The following GRIA3 variants were observed in gnomAD, a reference collection of about 807,000 sequenced individuals.
GRIA3 encodes the protein glutamate ionotropic receptor AMPA type subunit 3, also known as glutamate receptor 3.
GRIA3 carries 3 observed loss-of-function variants against 63.0 expected under a neutral mutation model. That is an observed-to-expected ratio of 0.05 (90% confidence interval 0.02 to 0.12). GRIA3 has a LOEUF of 0.12. Among genes scored for constraint, GRIA3 ranks in the 10% least tolerant of loss-of-function variants. The pLI is 1.00. For missense variants in GRIA3, 347 were observed against 700.9 expected (o/e 0.50, Z 5.70); for synonymous variants, 274 against 257.9 (o/e 1.06, Z -0.60).
At chrX:123,381,609 A>C (rs149624882) in intron 5 of GRIA3, among the ~76,000 whole-genome samples, 3 of 111,594 alleles carry the variant, frequency 2.7e-5, no homozygotes, top group African/African-American at 9.8e-5. Context: ...AATTTCCATC[A>C]TCCCTCTCTA....
intron 5 of GRIA3, among the ~76,000 whole-genome samples, chrX:123,379,620 G>GTTTTTTTTTTTTTTTTTTTTAAAATTTTT (rs369507360): frequency 1.5e-5 from 1 of 68,015 alleles, no homozygotes; most frequent in Non-Finnish European, 2.7e-5. Context: ...CTAGCAACTT[G>GTTTTTTTTTTTTTTTTTTTTAAAATTTTT]TTTTTTTTTT....
At chrX:123,347,730 T>A (rs2045061471) in intron 4 of GRIA3, among the ~76,000 whole-genome samples, 1 of 112,516 alleles carries the variant, frequency 8.9e-6, no homozygotes, top group Non-Finnish European at 1.9e-5. Context: ...TGGCAGGATT[T>A]AAATCCAGAA....
chrX:123,309,718 A>T (rs373438762), intron 3 of GRIA3, among the ~76,000 whole-genome samples: 2 of 111,827 alleles, frequency 1.8e-5, no homozygotes, highest in East Asian at 2.8e-4. Context: ...TAAAAGTAGG[A>T]CAGCTTGGGG....
intron 15 of GRIA3, among the ~76,000 whole-genome samples, chrX:123,487,120 C>T (rs898661679): frequency 2.7e-5 from 3 of 112,669 alleles, no homozygotes; most frequent in African/African-American, 9.7e-5. Flanking sequence ...CTCTGGGTTA[C>T]TGACCAGCCA....
intron 13 of GRIA3, among the ~76,000 whole-genome samples, chrX:123,474,994 A>G (rs1357802544): frequency 8.9e-6 from 1 of 112,044 alleles, no homozygotes; most frequent in Non-Finnish European, 1.9e-5. Flanking sequence ...AAATGAACTC[A>G]TTATCAAAGT....
chrX:123,335,265 T>A (rs773125660), intron 4 of GRIA3, among the ~76,000 whole-genome samples: 1 of 110,479 alleles, frequency 9.1e-6, no homozygotes, highest in Non-Finnish European at 1.9e-5. Flanking sequence ...TTTACCTCTA[T>A]CCTTAGAACA....
intron 4 of GRIA3, among the ~76,000 whole-genome samples, chrX:123,346,899 A>T (rs1337978389): frequency 8.9e-6 from 1 of 111,946 alleles, no homozygotes; most frequent in East Asian, 2.8e-4. Context: ...CCTTCCATCC[A>T]CTTGAGATTT....
At chrX:123,314,615 A>C (rs1051163030) in intron 3 of GRIA3, among the ~76,000 whole-genome samples, 2 of 112,387 alleles carry the variant, frequency 1.8e-5, no homozygotes, top group Non-Finnish European at 3.8e-5. Context: ...CTTTCACTCA[A>C]TGAAACTGAC....
intron 2 of GRIA3, among the ~76,000 whole-genome samples, chrX:123,198,868 T>C (rs1228696715): frequency 8.9e-6 from 1 of 111,818 alleles, no homozygotes; most frequent in East Asian, 2.8e-4. Context: ...TCTTCAAATG[T>C]GACCTCTATT....
At chrX:123,210,503 G>T (rs942562794) in intron 2 of GRIA3, among the ~76,000 whole-genome samples, 1 of 110,700 alleles carries the variant, frequency 9.0e-6, no homozygotes, top group Non-Finnish European at 1.9e-5. Flanking sequence ...TTCCCTTTTT[G>T]CCTGTAACAT....
At chrX:123,277,579 CAGGA>C (rs1294257345) in intron 3 of GRIA3, among the ~76,000 whole-genome samples, 1 of 111,595 alleles carries the variant, frequency 9.0e-6, no homozygotes, top group Non-Finnish European at 1.9e-5. Flanking sequence ...TCGCCTCTCT[CAGGA>C]AGCCTGAGTA....
intron 5 of GRIA3, chrX:123,358,612 T>C (rs1357175812): frequency 8.9e-6 from 1 of 112,416 alleles, no homozygotes; most frequent in Non-Finnish European, 1.9e-5. Context: ...GACATCCCAA[T>C]AGAGCAAGTA....
intron 5 of GRIA3, among the ~76,000 whole-genome samples, chrX:123,367,907 T>C (rs761346257): frequency 3.4e-4 from 38 of 112,326 alleles, no homozygotes; most frequent in African/African-American, 1.2e-3. Flanking sequence ...AATTAAAAAG[T>C]AAAAACTTGT....
At chrX:123,362,131 G>A (rs912880678) in intron 5 of GRIA3, among the ~76,000 whole-genome samples, 1 of 111,681 alleles carries the variant, frequency 9.0e-6, no homozygotes, top group African/African-American at 3.3e-5. Context: ...TTTACAGTAA[G>A]TGTTTTTTTC....
At chrX:123,441,117 T>C (rs1005687224) in intron 12 of GRIA3, among the ~76,000 whole-genome samples, 3 of 111,434 alleles carry the variant, frequency 2.7e-5, no homozygotes, top group Admixed American at 9.6e-5. Flanking sequence ...TTAAAATTAT[T>C]TGGAGGGAGA....
Position 123,360,092 on chromosome X carries a change from C to A in GRIA3, c.750+5129C>A, listed in dbSNP as rs748533214. Among the ~76,000 whole-genome samples, 108 of 111,845 alleles carry A rather than the reference C, an allele frequency of 9.7e-4. 1 individual carries two copies. Among genetic ancestry groups the A allele is most frequent in the African/African-American group, 3.3e-3 (102 of 30,801 alleles). ...TCTATGAGGAGAGACTTCTTGCCCA[C>A]CCACCTTCCTAAGCCTTTTACATAT... On this transcript the variant is annotated intron_variant, in intron 5 of 15. Coordinates refer to ENST00000620443, the MANE Select transcript of GRIA3 (RefSeq NM_007325.5).
chrX:123,442,602 T>A (rs73541962), intron 12 of GRIA3, among the ~76,000 whole-genome samples: 8,701 of 111,255 alleles, frequency 0.078, 830 homozygotes, highest in African/African-American at 0.27. Flanking sequence ...GACTCAGTAA[T>A]CTGATGAATG....
At chrX:123,420,658 G>A (rs1284563445) in intron 11 of GRIA3, among the ~76,000 whole-genome samples, 1 of 110,369 alleles carries the variant, frequency 9.1e-6, no homozygotes, top group African/African-American at 3.3e-5. Context: ...ATCCCCATTG[G>A]AGTGCTGCAT....
intron 2 of GRIA3, among the ~76,000 whole-genome samples, chrX:123,199,274 A>T (rs867947650): frequency 1.7e-4 from 13 of 78,611 alleles, no homozygotes; most frequent in East Asian, 8.0e-4. Context: ...AGTCTTTTAA[A>T]TTTTTTTTTT....
Sources: gnomAD v4.1 joint callset for allele counts (sites outside exome capture counted in the v4.1 genomes callset) on GRCh38, gnomAD v4.1.1 for gene constraint, MANE v1.5 for transcripts, NCBI Gene and HGNC (gene_info 2026-07-23, HGNC 2026-07-21) for gene names.